The following DENND3 variants were observed in gnomAD, a reference collection of about 807,000 sequenced individuals.
DENND3 encodes the protein DENN domain containing 3.
Under a neutral mutation model 135.1 loss-of-function variants are expected in DENND3, and 88 were observed. The observed-to-expected ratio is 0.65, with a 90% CI of 0.55 to 0.78. DENND3 has a LOEUF of 0.78. Ranked by LOEUF, DENND3 falls within the 30% of genes least tolerant of loss-of-function variation. The pLI is 0.00. For missense variants in DENND3, 1,392 were observed against 1,688.4 expected (o/e 0.82, Z 3.08); for synonymous variants, 693 against 712.3 (o/e 0.97, Z 0.43).
Position 141,137,899 on chromosome 8 carries a change from C to A in DENND3, c.386-123C>A. On this transcript the variant is annotated intron_variant, in intron 2 of 22. Coordinates refer to ENST00000519811, the MANE Select transcript of DENND3 (RefSeq NM_001352890.3). The surrounding 1 kb of genome is among the most constrained non-coding windows in gnomAD (Gnocchi z 4.1). The stretch of plus-strand genomic sequence containing the variant: ...ATCGGAAGAATGAACCCGCCTTGGA[C>A]ATGAAGGCACCACCACTGCTAACTG... 1.1e-6 allele frequency: 1 copy of A among 923,844 alleles called. No homozygotes were observed. The highest frequency in any genetic ancestry group is 1.6e-6 in the Non-Finnish European group (1 of 614,630). 57.2% of individuals were successfully genotyped at this position (923,844 alleles called of 1,614,324 possible). A position where few individuals can be genotyped will look rare whatever the true frequency, so the allele number is the denominator to read the frequency against.
chr8:141,187,259 AT>A (rs34600380), intron 18 of DENND3, among the ~76,000 whole-genome samples: 5,719 of 144,176 alleles, frequency 0.04, 335 homozygotes, highest in African/African-American at 0.13. Context: ...GGCTGGTACC[AT>A]TTTTTTTTTT....
chr8:141,157,901 A>G (rs1396047992), intron 8 of DENND3: 2 of 847,358 alleles, frequency 2.4e-6, no homozygotes, highest in Admixed American at 5.6e-5. Context: ...CCGGGATTAC[A>G]GGCATCTGTG....
At chr8:141,134,741 C>T (rs1816569877) in intron 1 of DENND3, among the ~76,000 whole-genome samples, 1 of 152,216 alleles carries the variant, frequency 6.6e-6, no homozygotes, top group Non-Finnish European at 1.5e-5. Context: ...CAGCGTAAGA[C>T]TCCCCTTTTG....
At chr8:141,188,086 C>T (rs1040961659) in intron 18 of DENND3, among the ~76,000 whole-genome samples, 2 of 151,436 alleles carry the variant, frequency 1.3e-5, no homozygotes, top group East Asian at 1.9e-4. Flanking sequence ...ATCAGCCAGG[C>T]GTGGTGGCCC....
intron 5 of DENND3, among the ~76,000 whole-genome samples, chr8:141,147,042 G>C (rs1268044546): frequency 6.6e-6 from 1 of 152,172 alleles, no homozygotes; most frequent in South Asian, 2.1e-4. Flanking sequence ...CTCCTGGCCC[G>C]ATGACTCTCG....
chr8:141,188,075 CA>C (rs1824150869), intron 18 of DENND3, among the ~76,000 whole-genome samples: 5 of 151,820 alleles, frequency 3.3e-5, no homozygotes, highest in Admixed American at 3.3e-4. Context: ...GGCGTGGTGG[CA>C]TCAGCCAGGC....
chr8:141,180,453 A>C (rs114770590), intron 16 of DENND3, among the ~76,000 whole-genome samples: 4,533 of 152,240 alleles, frequency 0.03, 232 homozygotes, highest in African/African-American at 0.1. Context: ...GCAGAGAAGA[A>C]GGCTGTGTTT....
Position 141,128,794 on chromosome 8 carries a change from C to T in DENND3, c.87C>T (p.Leu29=). Residue 29 remains leucine, a synonymous_variant, in exon 1 of 23, where the codon CTC becomes CTT. Coordinates refer to ENST00000519811, the MANE Select transcript of DENND3 (RefSeq NM_001352890.3). This position sits in a 1 kb window ranked among gnomAD's most constrained non-coding sequence, Gnocchi z 4.5. Reference sequence around the variant, plus strand: ...TGCTGGGCGCCCCCCGGGACAGTCTCCGAAGTCTCGAGCAGGTGAGGGGCG... The same window carrying T: ...TGCTGGGCGCCCCCCGGGACAGTCTTCGAAGTCTCGAGCAGGTGAGGGGCG... ...CALLGAPRDS[L]RSLEQVAYKK... The T allele has an allele frequency of 2.1e-6, 3 of 1,448,068 alleles. No homozygotes were observed. Among genetic ancestry groups the T allele is most frequent in the Non-Finnish European group, 9.1e-7 (1 of 1,098,280 alleles). The allele number at this position is 1,448,068 out of a possible 1,614,324, so 89.7% of individuals were successfully genotyped here. A position where few individuals can be genotyped will look rare whatever the true frequency, so the allele number is the denominator to read the frequency against.
rs1049689698 is a variant in DENND3, at chr8:141,166,970, G to A, written c.1753+581G>A. ...GAATGGGAGAAACTGTCGGGAGGCC[G>A]GGGCCTTGACCCCCAGGGCACCTGC... On this transcript the variant is annotated intron_variant, in intron 12 of 22. Transcript: ENST00000519811. The surrounding 1 kb of genome is among the most constrained non-coding windows in gnomAD (Gnocchi z 4.3). Among the ~76,000 whole-genome samples, 3 of 152,180 alleles carry A rather than the reference G, an allele frequency of 2.0e-5. No homozygotes were observed. Among genetic ancestry groups the A allele is most frequent in the African/African-American group, 4.8e-5 (2 of 41,444 alleles).
intron 4 of DENND3, chr8:141,142,167 G>A (rs939426972): frequency 1.5e-5 from 5 of 338,142 alleles, no homozygotes; most frequent in African/African-American, 8.8e-5. Context: ...ATTATCAAAG[G>A]ATGCTTTTGT....
At chr8:141,192,045 G>A (rs1331299659) in intron 20 of DENND3, 6 of 339,360 alleles carry the variant, frequency 1.8e-5, no homozygotes, top group South Asian at 9.1e-5. Context: ...CATTCTTTAA[G>A]ATTTTTGCTT....
chr8:141,183,598 T>G (rs778432766), intron 17 of DENND3, among the ~76,000 whole-genome samples: 1 of 151,774 alleles, frequency 6.6e-6, no homozygotes, highest in Non-Finnish European at 1.5e-5. Flanking sequence ...TTTTCCTCCT[T>G]TCAAATGAGC....
chr8:141,181,375 C>T (rs575924755), intron 17 of DENND3, among the ~76,000 whole-genome samples: 10 of 152,350 alleles, frequency 6.6e-5, no homozygotes, highest in African/African-American at 1.9e-4. Context: ...TCCGCAGAAG[C>T]TCTTAATGGG....
chr8:141,181,851 C>T (rs540073924), intron 17 of DENND3, among the ~76,000 whole-genome samples: 3 of 152,172 alleles, frequency 2.0e-5, no homozygotes, highest in Admixed American at 2.0e-4. Context: ...TGGCTCATTG[C>T]AGCCTCAACC....
intron 18 of DENND3, among the ~76,000 whole-genome samples, chr8:141,186,870 C>T (rs77214817): frequency 3.3e-4 from 51 of 152,258 alleles, no homozygotes; most frequent in African/African-American, 1.0e-3. Flanking sequence ...TGCCCGTCAG[C>T]GCTGTGAGCT....
intron 19 of DENND3, 47 bp downstream of exon 19, chr8:141,189,193 G>T (rs767825462): frequency 1.2e-6 from 2 of 1,612,834 alleles, no homozygotes; most frequent in Admixed American, 3.3e-5. Context: ...GCTTGTGGGT[G>T]GGCAGAAGGC....
chr8:141,151,842 G>A lies in DENND3; in HGVS notation c.1074+5G>A. 1 of 1,613,756 alleles carries A rather than the reference G, an allele frequency of 6.2e-7. No individual in the cohort carries two copies. Among genetic ancestry groups the A allele is most frequent in the Non-Finnish European group, 8.5e-7 (1 of 1,179,866 alleles). On this transcript the variant is annotated splice_donor_5th_base_variant and intron_variant, in intron 7 of 22. Transcript: ENST00000519811. ...CACTTCGAAGAAGTCAGCAAGGTTAGGTAGCGAACCTTTGACTTGGAATGC... is the reference window on the plus strand; with the variant it reads ...CACTTCGAAGAAGTCAGCAAGGTTAAGTAGCGAACCTTTGACTTGGAATGC...
chr8:141,138,785 C>T lies in DENND3; in HGVS notation c.501+648C>T, dbSNP rs1425643029. 6.6e-6 allele frequency among the ~76,000 whole-genome samples: 1 copy of T among 152,218 alleles called. No homozygotes were observed. The highest frequency in any genetic ancestry group is 1.5e-5 in the Non-Finnish European group (1 of 68,032). On this transcript the variant is annotated intron_variant, in intron 3 of 22. Coordinates refer to ENST00000519811, the MANE Select transcript of DENND3 (RefSeq NM_001352890.3). The surrounding 1 kb of genome is among the most constrained non-coding windows in gnomAD (Gnocchi z 4.8). ...TGCTTGTCTGACTTCTTTCCCTCAG[C>T]ATGTTTTGATGTTCATGTGCATGGG...
chr8:141,145,824 TA>T (rs1569555449), intron 5 of DENND3, among the ~76,000 whole-genome samples: 708 of 40,366 alleles, frequency 0.018, 56 homozygotes, highest in African/African-American at 0.047. Flanking sequence ...TATATATATA[TA>T]TATATATATA....
Sources: allele counts gnomAD v4.1 joint callset (sites outside exome capture counted in the v4.1 genomes callset), GRCh38; gene constraint gnomAD v4.1.1; non-coding constraint Gnocchi (gnomAD v3.1); transcripts MANE v1.5; gene names NCBI Gene and HGNC (gene_info 2026-07-23, HGNC 2026-07-21).